GLRA3: variants seen among roughly 807,000 people sequenced by gnomAD.
The protein encoded by GLRA3 is glycine receptor subunit alpha-3.
A neutral mutation model predicts 60.4 loss-of-function variants in GLRA3; 44 were observed. The ratio of observed to expected loss-of-function variants is 0.73; its 90% CI spans 0.57 to 0.94. The LOEUF is 0.94. GLRA3 is among the 40% of genes least tolerant of loss of function. The pLI is 0.00. For synonymous variants in GLRA3, 223 were observed against 192.9 expected, an observed-to-expected ratio of 1.16 and a Z score of -1.29; for missense variants, 508 against 564.6, an observed-to-expected ratio of 0.90 and a Z score of 1.02.
At chr4:174,739,084 C>T (rs1736909624) in intron 3 of GLRA3, among the ~76,000 whole-genome samples, 1 of 152,146 alleles carries the variant, frequency 6.6e-6, no homozygotes, top group South Asian at 2.1e-4. Context: ...TTGTATAAAC[C>T]ACAAAGTTTT....
At chr4:174,815,894 T>G (rs114371309) in intron 1 of GLRA3, among the ~76,000 whole-genome samples, 4 of 152,224 alleles carry the variant, frequency 2.6e-5, no homozygotes, top group Non-Finnish European at 5.9e-5. Context: ...CCATTACTTA[T>G]GTAAATTTCT....
At chr4:174,797,137 T>C (rs1397729624) in intron 1 of GLRA3, among the ~76,000 whole-genome samples, 2 of 152,098 alleles carry the variant, frequency 1.3e-5, no homozygotes, top group African/African-American at 2.4e-5. Context: ...AAACTCAGGG[T>C]AGGAAGAGGC....
chr4:174,672,990 A>C (rs1243198635), intron 7 of GLRA3, among the ~76,000 whole-genome samples: 1 of 152,080 alleles, frequency 6.6e-6, no homozygotes, highest in African/African-American at 2.4e-5. Context: ...TATGATAATA[A>C]GTTTAAAAGA....
intron 3 of GLRA3, among the ~76,000 whole-genome samples, chr4:174,731,255 C>T (rs372153590): frequency 1.4e-4 from 21 of 152,168 alleles, no homozygotes; most frequent in African/African-American, 5.1e-4. Context: ...TTCTTCATAG[C>T]CACAGTATCC....
At chr4:174,679,356 T>C (rs1011350877) in intron 6 of GLRA3, among the ~76,000 whole-genome samples, 5 of 151,768 alleles carry the variant, frequency 3.3e-5, no homozygotes, top group Non-Finnish European at 7.4e-5. Context: ...AATAAGATAT[T>C]ATCTCACCCC....
intron 3 of GLRA3, among the ~76,000 whole-genome samples, chr4:174,762,523 T>C (rs1261349304): frequency 6.6e-6 from 1 of 152,140 alleles, no homozygotes; most frequent in African/African-American, 2.4e-5. Flanking sequence ...CTGGAAGGCA[T>C]AGGGTTAGAG....
At chr4:174,804,204 A>G (rs1255118876) in intron 1 of GLRA3, among the ~76,000 whole-genome samples, 1 of 152,176 alleles carries the variant, frequency 6.6e-6, no homozygotes, top group Non-Finnish European at 1.5e-5. Context: ...TCAGGCAGGA[A>G]AATGTTGAAC....
intron 5 of GLRA3, among the ~76,000 whole-genome samples, chr4:174,692,415 G>A (rs1197907996): frequency 1.3e-5 from 2 of 151,286 alleles, no homozygotes; most frequent in Admixed American, 6.6e-5. Flanking sequence ...CCCTCTTCCC[G>A]GCCACCACCC....
intron 9 of GLRA3, among the ~76,000 whole-genome samples, chr4:174,656,001 A>C (rs1443929675): frequency 6.6e-6 from 1 of 152,106 alleles, no homozygotes; most frequent in Non-Finnish European, 1.5e-5. Flanking sequence ...CCAGAAATTA[A>C]GTTTAGTAGA....
intron 5 of GLRA3, among the ~76,000 whole-genome samples, chr4:174,708,883 G>A (rs1394482808): frequency 6.8e-6 from 1 of 146,666 alleles, no homozygotes; most frequent in Non-Finnish European, 1.5e-5. Flanking sequence ...ATAAAAAACT[G>A]AAAATTCAGT....
rs74748555 is a variant in GLRA3, at chr4:174,755,890, A to G, written c.267+11073T>C. Among the ~76,000 whole-genome samples, 487 of 152,214 alleles carry G rather than the reference A, an allele frequency of 3.2e-3. 7 individuals are homozygous for G. The highest frequency in any genetic ancestry group is 0.022 in the Admixed American group (341 of 15,300). On this transcript the variant is annotated intron_variant, in intron 3 of 9. Transcript: ENST00000274093. ...AGAACGAATAAAAATACACCCATATATAAACTAATTTAAAAAATGAGTGAA... is the reference window on the plus strand; with the variant it reads ...AGAACGAATAAAAATACACCCATATGTAAACTAATTTAAAAAATGAGTGAA...
At chr4:174,733,735 C>A (rs910696380) in intron 3 of GLRA3, among the ~76,000 whole-genome samples, 2 of 152,210 alleles carry the variant, frequency 1.3e-5, no homozygotes, top group Non-Finnish European at 2.9e-5. Flanking sequence ...ATGCTCCTAC[C>A]TTCTGCTTCC....
chr4:174,736,332 G>A (rs1385843), intron 3 of GLRA3, among the ~76,000 whole-genome samples: 43,173 of 151,632 alleles, frequency 0.28, 6,384 homozygotes, highest in African/African-American at 0.36. Flanking sequence ...TCAAATATAC[G>A]TAACATTTAT....
chr4:174,806,886 G>A (rs544633206), intron 1 of GLRA3, among the ~76,000 whole-genome samples: 5 of 151,988 alleles, frequency 3.3e-5, no homozygotes, highest in Non-Finnish European at 7.4e-5. Flanking sequence ...GTAAAATAAA[G>A]TTATGGAAGA....
intron 1 of GLRA3, among the ~76,000 whole-genome samples, chr4:174,791,455 A>C (rs973796790): frequency 1.3e-5 from 2 of 152,162 alleles, no homozygotes; most frequent in African/African-American, 4.8e-5. Flanking sequence ...AATTTGCTAC[A>C]GTTGCCATTG....
In GLRA3 at chr4:174,639,492, G is replaced by A. The variant is rs551210777; in HGVS notation, c.*4294C>T. The A allele has an allele frequency of 8.2e-4, 124 of 151,554 alleles. No individual in the cohort carries two copies. Among genetic ancestry groups the A allele is most frequent in the African/African-American group, 3.0e-3 (122 of 41,350 alleles). 9.4% of individuals were successfully genotyped at this position (151,554 alleles called of 1,614,324 possible). ...TGTAGACCAAAAAAACAGGTAAGTG[G>A]GTCCTAGCTACTAACTTGGGATTAT... On this transcript the variant is annotated 3_prime_UTR_variant, in exon 10 of 10. Coordinates refer to ENST00000274093, the MANE Select transcript of GLRA3 (RefSeq NM_006529.4).
chr4:174,685,154 C>G (rs760477252), intron 5 of GLRA3, among the ~76,000 whole-genome samples: 1 of 152,284 alleles, frequency 6.6e-6, no homozygotes, highest in African/African-American at 2.4e-5. Flanking sequence ...CTGGAAACAA[C>G]TGGCATGGAG....
chr4:174,649,529 G>T (rs375503860), intron 9 of GLRA3, among the ~76,000 whole-genome samples: 1 of 152,190 alleles, frequency 6.6e-6, no homozygotes, highest in South Asian at 2.1e-4. Context: ...TGCCTAACTC[G>T]TCCTTTTTAG....
At chr4:174,679,420 C>T (rs1243171483) in intron 6 of GLRA3, among the ~76,000 whole-genome samples, 1 of 152,004 alleles carries the variant, frequency 6.6e-6, no homozygotes, top group Non-Finnish European at 1.5e-5. Flanking sequence ...GATGAGGAAG[C>T]AGAGAAAGGG....
Sources: allele counts gnomAD v4.1 joint callset (sites outside exome capture counted in the v4.1 genomes callset), GRCh38; gene constraint gnomAD v4.1.1; transcripts MANE v1.5; gene names NCBI Gene and HGNC (gene_info 2026-07-23, HGNC 2026-07-21).